Variants in DMRT1 observed in about 807,000 individuals in gnomAD.
The protein encoded by DMRT1 is doublesex and mab-3 related transcription factor 1.
A neutral mutation model predicts 32.3 loss-of-function variants in DMRT1; 7 were observed. That is an observed-to-expected ratio of 0.22 (90% CI 0.12 to 0.41). The LOEUF is 0.41. Ranked by LOEUF, DMRT1 falls within the 10% of genes least tolerant of loss-of-function variation. The pLI is 1.00. For synonymous variants in DMRT1, 278 were observed against 206.1 expected, an observed-to-expected ratio of 1.35 and a Z score of -2.99; for missense variants, 625 against 500.5, an observed-to-expected ratio of 1.25 and a Z score of -2.37.
chr9:932,537 T>C (rs547183356), intron 4 of DMRT1, among the ~76,000 whole-genome samples: 1 of 152,196 alleles, frequency 6.6e-6, no homozygotes, highest in South Asian at 2.1e-4. Flanking sequence ...ACAACAATCT[T>C]ACTAAGTAAT....
At chr9:957,786 G>A (rs1819645639) in intron 4 of DMRT1, among the ~76,000 whole-genome samples, 1 of 152,054 alleles carries the variant, frequency 6.6e-6, no homozygotes, top group African/African-American at 2.4e-5. Context: ...GAGGCAGGTG[G>A]ATCACCTGAG....
intron 2 of DMRT1, among the ~76,000 whole-genome samples, chr9:848,208 C>T (rs1414427730): frequency 1.3e-5 from 2 of 152,196 alleles, no homozygotes. Flanking sequence ...ACTAAAGTCA[C>T]ACAACTATAT....
chr9:853,953 G>A (rs1198168208), intron 2 of DMRT1, among the ~76,000 whole-genome samples: 9 of 151,566 alleles, frequency 5.9e-5, no homozygotes, highest in Admixed American at 2.0e-4. Context: ...ACGCTATCAT[G>A]CCTGGCTAAT....
At chr9:892,596 A>G (rs913346415) in intron 2 of DMRT1, among the ~76,000 whole-genome samples, 3 of 152,012 alleles carry the variant, frequency 2.0e-5, no homozygotes, top group South Asian at 2.1e-4. Context: ...CCTTGAACTC[A>G]CTTTGGTGGT....
chr9:950,766 A>G lies in DMRT1; in HGVS notation c.968-17219A>G, dbSNP rs1010377774. 1.2e-4 allele frequency among the ~76,000 whole-genome samples: 18 copies of G among 152,266 alleles called. 2 individuals are homozygous for G. Among genetic ancestry groups the G allele is most frequent in the Admixed American group, 8.5e-4 (13 of 15,302 alleles). ...CTAGCCCCGACTCATTAAAGAAAGC[A>G]TCTCACTCCTGCAGTTCAAGTGAAA... is the stretch of plus-strand genomic sequence containing the variant. On this transcript the variant is annotated intron_variant, in intron 4 of 4. Transcript: ENST00000382276.
chr9:844,720 T>TTTTTTTTTTTTTTTTTTTTTTC, intron 1 of DMRT1, among the ~76,000 whole-genome samples: 1 of 95,038 alleles, frequency 1.1e-5, no homozygotes, highest in African/African-American at 5.2e-5. Flanking sequence ...TCTTTCTTTC[T>TTTTTTTTTTTTTTTTTTTTTTC]TTTTTTTTTT....
rs201288587 is a variant in DMRT1 at position 846,247 on chromosome 9, G to A, written c.355-713G>A. Among the ~76,000 whole-genome samples, 11 of 152,134 alleles carry A rather than the reference G, an allele frequency of 7.2e-5. No individual in the cohort carries two copies. In the East Asian group the frequency reaches 1.9e-3, roughly 27 times the overall value. On this transcript the variant is annotated intron_variant, in intron 1 of 4. Transcript: ENST00000382276. ...GGGGTTTCACCATGTTGGCCAGGCC[G>A]ATCTCGAACTCCTGACCTCCGGTGA...
At chr9:921,956 C>T (rs1395678766) in intron 4 of DMRT1, among the ~76,000 whole-genome samples, 1 of 152,206 alleles carries the variant, frequency 6.6e-6, no homozygotes, top group Non-Finnish European at 1.5e-5. Context: ...TCATAGCTCA[C>T]TGTAGCATCA....
chr9:849,896 T>C (rs897242835), intron 2 of DMRT1, among the ~76,000 whole-genome samples: 6 of 152,150 alleles, frequency 3.9e-5, no homozygotes. Context: ...CGATTTTGGC[T>C]CACCGCAACC....
At chr9:966,462 GA>G (rs1303239897) in intron 4 of DMRT1, among the ~76,000 whole-genome samples, 2 of 152,154 alleles carry the variant, frequency 1.3e-5, no homozygotes, top group Non-Finnish European at 2.9e-5. Context: ...CACTTGTCAG[GA>G]AATTGCCTAA....
At chr9:866,181 A>AAAAG (rs1815977056) in intron 2 of DMRT1, among the ~76,000 whole-genome samples, 3 of 151,322 alleles carry the variant, frequency 2.0e-5, no homozygotes, top group African/African-American at 7.3e-5. Context: ...AAAAAAAAAA[A>AAAAG]AAAAAGACAG....
intron 2 of DMRT1, among the ~76,000 whole-genome samples, chr9:863,421 A>G (rs1339573861): frequency 6.6e-6 from 1 of 151,918 alleles, no homozygotes; most frequent in African/African-American, 2.4e-5. Context: ...TCCAGGCTTG[A>G]CAGAGACTTG....
Position 894,175 on chromosome 9 carries a change from C to G in DMRT1, c.802C>G (p.Gln268Glu), listed in dbSNP as rs766494027. Residue 268 changes from glutamine (Q) to glutamate (E), a missense_variant, in exon 3 of 5, where the codon CAG becomes GAG. Transcript: ENST00000382276. The stretch of plus-strand genomic sequence containing the variant: ...CCTCCCCGGACCTTATGTGCCTGGT[C>G]AGACAGGAAACCAGTGGCAGGTATG... ...RGLPGPYVPG[Q>E]TGNQWQMKNM... is the part of the protein sequence containing the mutation. 1.2e-6 allele frequency: 2 copies of G among 1,613,708 alleles called. No homozygotes were observed. Among genetic ancestry groups the G allele is most frequent in the Admixed American group, 1.7e-5 (1 of 60,024 alleles).
chr9:944,462 TC>T (rs1819177907), intron 4 of DMRT1, among the ~76,000 whole-genome samples: 1 of 152,200 alleles, frequency 6.6e-6, no homozygotes, highest in South Asian at 2.1e-4. Flanking sequence ...TGCTCCTCCC[TC>T]CTTTGAGAGA....
At chr9:954,788 C>CAT (rs1819543226) in intron 4 of DMRT1, among the ~76,000 whole-genome samples, 3 of 151,928 alleles carry the variant, frequency 2.0e-5, no homozygotes, top group Admixed American at 2.0e-4. Flanking sequence ...ATTACAGGTG[C>CAT]GTGCCACCAC....
intron 2 of DMRT1, among the ~76,000 whole-genome samples, chr9:871,758 G>C (rs1019514989): frequency 4.6e-5 from 7 of 151,304 alleles, no homozygotes; most frequent in African/African-American, 1.5e-4. Flanking sequence ...ACAGGCGTGA[G>C]CAACCGTGCC....
In DMRT1 at chr9:968,041, C is replaced by A; in HGVS notation, c.1024C>A (p.Pro342Thr). The stretch of plus-strand genomic sequence containing the variant: ...CTTGGTTTCCCTCTCGAGCAGCTCT[C>A]CTATTAGTAACAAGAGCACAAAGGC... ...SGLVSLSSSS[P>T]ISNKSTKAVL... The change falls in exon 5 of 5, where the codon CCT becomes ACT. Residue 342 changes from proline to threonine, a missense_variant. Pro to Thr is a conservative substitution (Grantham distance 38, BLOSUM62 -1). This residue lies in a region of DMRT1 where 416 missense variants were observed against 321.6 expected (regional missense o/e 1.29). Coordinates refer to ENST00000382276, the MANE Select transcript of DMRT1 (RefSeq NM_021951.3). The A allele has an allele frequency of 6.2e-7, 1 of 1,614,156 alleles. No homozygotes were observed.
chr9:924,215 G>A (rs1411778740), intron 4 of DMRT1, among the ~76,000 whole-genome samples: 2 of 151,912 alleles, frequency 1.3e-5, no homozygotes, highest in Admixed American at 6.6e-5. Context: ...GGGATTACAG[G>A]GGTGCACCAC....
intron 3 of DMRT1, among the ~76,000 whole-genome samples, chr9:902,780 T>A (rs1298463335): frequency 6.6e-6 from 1 of 152,110 alleles, no homozygotes; most frequent in Non-Finnish European, 1.5e-5. Flanking sequence ...TGAGCCACCA[T>A]GCCCAGCTTT....
Sources: allele counts gnomAD v4.1 joint callset (sites outside exome capture counted in the v4.1 genomes callset), GRCh38; gene constraint gnomAD v4.1.1; regional missense constraint gnomAD v4.1.1; transcripts MANE v1.5; gene names NCBI Gene and HGNC (gene_info 2026-07-23, HGNC 2026-07-21).